CACTIN: variants seen among roughly 807,000 people sequenced by gnomAD.
CACTIN encodes cactin, spliceosome C complex subunit, also known as splicing factor Cactin.
A neutral mutation model predicts 84.9 loss-of-function variants in CACTIN; 20 were observed. The ratio of observed to expected loss-of-function variants is 0.24; its 90% CI spans 0.17 to 0.34. The LOEUF (loss-of-function observed/expected upper bound fraction) is 0.34, where lower values mean the gene tolerates loss of function less well. Among genes scored for constraint, CACTIN ranks in the 10% least tolerant of loss-of-function variants. CACTIN has a pLI of 1.00. For missense variants in CACTIN, 897 were observed against 1,117.2 expected, an observed-to-expected ratio of 0.80 and a Z score of 2.81; for synonymous variants, 549 against 467.9, an observed-to-expected ratio of 1.17 and a Z score of -2.24.
At position 3,614,488 on chromosome 19, in the gene CACTIN, C is replaced by T. The variant is rs377058963; in HGVS notation, c.1264G>A (p.Glu422Lys). The T allele has an allele frequency of 8.1e-6, 13 of 1,603,332 alleles. No individual in the cohort carries two copies. The highest frequency in any genetic ancestry group is 5.4e-5 in the African/African-American group (4 of 74,732). The change falls in exon 7 of 10, where the codon GAG becomes AAG. Residue 422 changes from glutamate (E) to lysine (K), a missense_variant. Glu to Lys is a moderately conservative substitution (Grantham distance 56, BLOSUM62 1). This residue lies in a region of CACTIN where 304 missense variants were observed against 444.3 expected (regional missense o/e 0.68). Coordinates refer to ENST00000429344, the MANE Select transcript of CACTIN (RefSeq NM_001080543.2). ...NQLQVIFQGI[E>K]GKIRAGGPNL... ...GGGCCACCAGCGCGGATTTTGCCCTCGATGCCCTGGAAGATGACCTGCAGC... is the reference window on the plus strand; with the variant it reads ...GGGCCACCAGCGCGGATTTTGCCCTTGATGCCCTGGAAGATGACCTGCAGC...
At chr19:3,621,401 GCCC>G (rs2033222057) in intron 2 of CACTIN, among the ~76,000 whole-genome samples, 1 of 152,232 alleles carries the variant, frequency 6.6e-6, no homozygotes, top group Non-Finnish European at 1.5e-5. Context: ...CTGGCGCGGA[GCCC>G]CCACTTCCCG....
chr19:3,619,644 C>G (rs147523061), intron 4 of CACTIN, among the ~76,000 whole-genome samples: 2 of 152,118 alleles, frequency 1.3e-5, no homozygotes, highest in African/African-American at 2.4e-5. Context: ...GCAGACCACT[C>G]GGGGCAGAGA....
intron 2 of CACTIN, 39 bp from the exon 3 acceptor site, chr19:3,620,841 GC>G: frequency 1.3e-6 from 2 of 1,503,714 alleles, no homozygotes; most frequent in Non-Finnish European, 9.2e-7. Flanking sequence ...GCACAGACCC[GC>G]CCCCTCGCCC....
At chr19:3,621,397 C>T (rs1480036805) in intron 2 of CACTIN, among the ~76,000 whole-genome samples, 2 of 152,022 alleles carry the variant, frequency 1.3e-5, no homozygotes, top group Non-Finnish European at 1.5e-5. Context: ...GAGCCTGGCG[C>T]GGAGCCCCCA....
Position 3,626,728 on chromosome 19 carries a change from G to A in CACTIN, c.35C>T (p.Ala12Val), listed in dbSNP as rs1228576032. Residue 12 changes from alanine to valine, a missense_variant, in exon 1 of 10, where the codon GCG (alanine) becomes GTG (valine). Around this residue, in one of 8 missense-constraint regions of CACTIN, gnomAD observed 261 missense variants for 243.8 expected, o/e 1.07. Coordinates refer to ENST00000429344, the MANE Select transcript of CACTIN (RefSeq NM_001080543.2). ...GRDTRSRSRS[A>V]GRRGRRRQSQ... ...CTGCCGCCTTCGGCCCCGGCGACCC[G>A]CGGACCGCGAGCGCGAGCGTGTGTC... 2.7e-6 allele frequency: 4 copies of A among 1,492,922 alleles called. No homozygotes were observed. The highest frequency in any genetic ancestry group is 3.5e-6 in the Non-Finnish European group (4 of 1,127,552). The allele number at this position is 1,492,922 out of a possible 1,614,324, so 92.5% of individuals were successfully genotyped here. A position where few individuals can be genotyped will look rare whatever the true frequency, so the allele number is the denominator to read the frequency against.
rs374665182 is a variant in CACTIN, at chr19:3,613,193, G to A, written c.1651C>T (p.Leu551=). 13 of 1,611,422 alleles carry A rather than the reference G, an allele frequency of 8.1e-6. No individual in the cohort carries two copies. In the Admixed American group the frequency reaches 1.8e-4, roughly 23 times the overall value. ...LMEEDLIQQS[L]DDYDAGRYSP... The stretch of plus-strand genomic sequence containing the variant: ...TACCTGCCGGCGTCGTAGTCGTCCA[G>A]GCTCTGCTGGATCAGGTCCTCCTCC... Residue 551 remains leucine (L), a synonymous_variant, in exon 9 of 10, where the codon CTG becomes TTG. Transcript: ENST00000429344.
chr19:3,626,090 T>G (rs1367795441), intron 1 of CACTIN, among the ~76,000 whole-genome samples: 1 of 152,174 alleles, frequency 6.6e-6, no homozygotes, highest in East Asian at 1.9e-4. Context: ...CCCGCTGTGG[T>G]TGACTACAGC....
rs2033074365 is a variant in CACTIN at position 3,615,102 on chromosome 19, AGCCTAGCAAAGAAGGCCACCCTGCTG to A, written c.1163-539_1163-514del. ...TCTGGGCCTTAGTTTCCCTCTGTGA[AGCCTAGCAAAGAAGGCCACCCTGCTG>A]GCCCCTGGGGAAGTCCTGGGCCCGC... On this transcript the variant is annotated intron_variant, in intron 6 of 9. Coordinates refer to ENST00000429344, the MANE Select transcript of CACTIN (RefSeq NM_001080543.2). The surrounding 1 kb of genome is among the most constrained non-coding windows in gnomAD (Gnocchi z 5.2). 2.8e-5 allele frequency: 5 copies of A among 176,894 alleles called. No homozygotes were observed. The South Asian group carries it at 6.5e-4, about 23-fold the overall frequency. 11.0% of individuals were successfully genotyped at this position (176,894 alleles called of 1,614,324 possible).
rs905202069 is a variant in CACTIN at position 3,613,270 on chromosome 19, C to T, written c.1574G>A (p.Gly525Asp). 1 of 1,608,006 alleles carries T rather than the reference C, an allele frequency of 6.2e-7. No individual in the cohort carries two copies. Among genetic ancestry groups the T allele is most frequent in the Non-Finnish European group, 8.5e-7 (1 of 1,178,752 alleles). Residue 525 changes from glycine (G) to aspartate (D), a missense_variant, in exon 9 of 10, where the codon GGC (glycine) becomes GAC (aspartate). By Grantham distance (94) the Gly-to-Asp change is moderately conservative. Coordinates refer to ENST00000429344, the MANE Select transcript of CACTIN (RefSeq NM_001080543.2). ...GCCCTCACCGTCCCCGTCGCCGTCG[C>T]CCTCTGTCGGGGTCGCGCCGTCCAC... Reference protein sequence around the residue: ...AEVDGATPTEGDGDGDGEGEG... With the variant: ...AEVDGATPTEDDGDGDGEGEG...
intron 2 of CACTIN, chr19:3,621,056 G>C (rs1176077948): frequency 6.8e-6 from 4 of 585,902 alleles, no homozygotes; most frequent in Non-Finnish European, 1.2e-5. Context: ...TCAACAGGAG[G>C]GCCTCACTCG....
chr19:3,614,289 C>G (rs952622646), intron 7 of CACTIN, 108 bp downstream of exon 7: 29 of 1,146,856 alleles, frequency 2.5e-5, no homozygotes, highest in Middle Eastern at 5.6e-4. Context: ...CTCTCCACCC[C>G]ACATGGTCCC....
At chr19:3,623,606 G>T in intron 2 of CACTIN, 82 bp downstream of exon 2, 2 of 1,252,996 alleles carry the variant, frequency 1.6e-6, no homozygotes, top group Non-Finnish European at 2.2e-6. Flanking sequence ...TCAAGGGCAG[G>T]CTGGGAGTGT....
chr19:3,619,679 AG>A (rs1464880521), intron 4 of CACTIN, among the ~76,000 whole-genome samples: 1 of 152,120 alleles, frequency 6.6e-6, no homozygotes, highest in Non-Finnish European at 1.5e-5. Flanking sequence ...CTGGGCCTGC[AG>A]GGGGGTACGC....
rs375029543 is a variant in CACTIN, at chr19:3,612,052, G to A, written c.2148C>T (p.Tyr716=). The A allele has an allele frequency of 1.9e-5, 31 of 1,613,868 alleles. No homozygotes were observed. In the East Asian group the frequency reaches 2.2e-4, roughly 12 times the overall value. ...AILRFHAGPP[Y]EDIAFKIVNR... ...TGACGATCTTGAAAGCGATGTCCTC[G>A]TAGGGCGGCCCCGCGTGGAAGCGCA... Residue 716 remains tyrosine (Y), a synonymous_variant, in exon 10 of 10, where the codon TAC becomes TAT. Transcript: ENST00000429344.
chr19:3,614,407 C>T lies in CACTIN; in HGVS notation c.1345G>A (p.Ala449Thr). 6.3e-7 allele frequency: 1 copy of T among 1,580,022 alleles called. No homozygotes were observed. Among genetic ancestry groups the T allele is most frequent in the Non-Finnish European group, 8.6e-7 (1 of 1,163,200 alleles). ...SLLQQLRAHM[A>T]RARLRERHQD... ...GCACCTAGTGCTCACCGGGCCCGTG[C>T]CATGTGGGCACGAAGCTGCTGCAGG... The change falls in exon 7 of 10, where the codon GCA becomes ACA. Residue 449 changes from alanine to threonine, a missense_variant. Transcript: ENST00000429344.
intron 2 of CACTIN, among the ~76,000 whole-genome samples, chr19:3,623,026 AG>A (rs2033256008): frequency 6.6e-6 from 1 of 152,100 alleles, no homozygotes; most frequent in African/African-American, 2.4e-5. Context: ...ACTTGAGCTT[AG>A]GAGTTCGAGA....
rs747221608 is a variant in CACTIN at position 3,611,859 on chromosome 19, C to T, written c.*64G>A. ...CCAGACAGCGGCCCCGGAGTGACCA[C>T]CAGCTTCACCGAAGCCCCTTTACTG... On this transcript the variant is annotated 3_prime_UTR_variant, in exon 10 of 10. Transcript: ENST00000429344. 12 of 1,579,972 alleles carry T rather than the reference C, an allele frequency of 7.6e-6. No individual in the cohort carries two copies. The East Asian group carries it at 2.8e-4, about 36-fold the overall frequency.
At chr19:3,626,523 G>C in intron 1 of CACTIN, 73 bp downstream of exon 1, 1 of 1,262,880 alleles carries the variant, frequency 7.9e-7, no homozygotes, top group Non-Finnish European at 1.0e-6. Flanking sequence ...GGTTCCCCGG[G>C]ATCTCCAACC....
Position 3,614,578 on chromosome 19 carries a change from C to G in CACTIN, c.1174G>C (p.Glu392Gln), listed in dbSNP as rs1317010882. The change falls in exon 7 of 10, where the codon GAG becomes CAG. Residue 392 changes from glutamate (E) to glutamine (Q), a missense_variant. Glu to Gln is a conservative substitution (Grantham distance 29). Transcript: ENST00000429344. The stretch of plus-strand genomic sequence containing the variant: ...GAGCTGACGGAGGCGTTGACCCCCT[C>G]GCGGCGCTCACCTGCAGCGGGGTGG... Reference protein sequence around the residue: ...ASGKGPGERREGVNASVSSDV... With the variant: ...ASGKGPGERRQGVNASVSSDV... 1.2e-6 allele frequency: 2 copies of G among 1,602,474 alleles called. No individual in the cohort carries two copies. The highest frequency in any genetic ancestry group is 1.7e-6 in the Non-Finnish European group (2 of 1,175,064).
Sources: allele counts gnomAD v4.1 joint callset (sites outside exome capture counted in the v4.1 genomes callset), GRCh38; gene constraint gnomAD v4.1.1; regional missense constraint gnomAD v4.1.1; non-coding constraint Gnocchi (gnomAD v3.1); transcripts MANE v1.5; gene names NCBI Gene and HGNC (gene_info 2026-07-23, HGNC 2026-07-21).